Variants in OLFM2 observed in about 807,000 individuals in gnomAD.
The protein encoded by OLFM2 is noelin-2.
A neutral mutation model predicts 43.9 loss-of-function variants in OLFM2; 20 were observed. The ratio of observed to expected loss-of-function variants is 0.46; its 90% CI spans 0.32 to 0.66. The LOEUF (loss-of-function observed/expected upper bound fraction) is 0.66. Ranked by LOEUF, OLFM2 falls within the 30% of genes least tolerant of loss-of-function variation. The pLI, the probability that OLFM2 is intolerant of heterozygous loss-of-function variation, is 0.04. For missense variants in OLFM2, 416 were observed against 643.6 expected (o/e 0.65, Z 3.83); for synonymous variants, 268 against 278.6 (o/e 0.96, Z 0.38).
At chr19:9,865,836 C>G (rs111554490) in intron 1 of OLFM2, among the ~76,000 whole-genome samples, 5 of 114,474 alleles carry the variant, frequency 4.4e-5, no homozygotes, top group Admixed American at 2.5e-4. Flanking sequence ...AAAAAAAAAA[C>G]AAAGAAAAAC....
rs1203521068 is a variant in OLFM2 at position 9,860,711 on chromosome 19, C to A, written c.147G>T (p.Val49=). ...APDGKCICTA[V]IPAQSTCSRD... ...GAGAGCAGGTACTCTGCGCTGGGAT[C>A]ACGGCCGTGCAGATGCATTTCCCGT... The change falls in exon 2 of 6, where the codon GTG becomes GTT. Residue 49 remains valine, a synonymous_variant. Coordinates refer to ENST00000264833, the MANE Select transcript of OLFM2 (RefSeq NM_058164.4). The A allele has an allele frequency of 6.2e-7, 1 of 1,606,382 alleles. No individual in the cohort carries two copies. Among genetic ancestry groups the A allele is most frequent in the Non-Finnish European group, 8.5e-7 (1 of 1,176,504 alleles).
chr19:9,862,419 C>A (rs1333643699), intron 1 of OLFM2, among the ~76,000 whole-genome samples: 1 of 151,888 alleles, frequency 6.6e-6, no homozygotes, highest in Non-Finnish European at 1.5e-5. Context: ...CGCCTGTAAT[C>A]CCAGAATTTC....
At chr19:9,931,421 G>A (rs981163349) in intron 1 of OLFM2, among the ~76,000 whole-genome samples, 1 of 152,006 alleles carries the variant, frequency 6.6e-6, no homozygotes, top group Non-Finnish European at 1.5e-5. Context: ...TTACTGCAGA[G>A]GCCGGGCACG....
intron 1 of OLFM2, among the ~76,000 whole-genome samples, chr19:9,890,644 C>A (rs2046630677): frequency 6.6e-6 from 1 of 152,148 alleles, no homozygotes; most frequent in Admixed American, 6.5e-5. Flanking sequence ...CAGTGACTTC[C>A]AGGTGAATAC....
intron 1 of OLFM2, among the ~76,000 whole-genome samples, chr19:9,920,545 C>T (rs948883360): frequency 6.6e-6 from 1 of 152,032 alleles, no homozygotes; most frequent in African/African-American, 2.4e-5. Context: ...AGAAAGTGTC[C>T]CCTCTTCCCC....
Position 9,919,176 on chromosome 19 carries a change from C to CTT in OLFM2, c.63+17126_63+17127dup, listed in dbSNP as rs36124685. On this transcript the variant is annotated intron_variant, in intron 1 of 5. Coordinates refer to ENST00000264833, the MANE Select transcript of OLFM2 (RefSeq NM_058164.4). Reference sequence around the variant, plus strand: ...ACGCAGTGAGACCTCATTTCTCTCTCTTTTTTTTGAGATGGAGTCTCGCTC... The same window carrying CTT: ...ACGCAGTGAGACCTCATTTCTCTCTCTTTTTTTTTTGAGATGGAGTCTCGCTC... 1.3e-3 allele frequency among the ~76,000 whole-genome samples: 196 copies of CTT among 149,256 alleles called. 2 individuals are homozygous for CTT. The highest frequency in any genetic ancestry group is 3.9e-3 in the African/African-American group (157 of 40,076).
intron 1 of OLFM2, among the ~76,000 whole-genome samples, chr19:9,914,621 G>A (rs1485628136): frequency 6.6e-6 from 1 of 151,704 alleles, no homozygotes; most frequent in East Asian, 2.0e-4. Flanking sequence ...ACTTTGGGTG[G>A]GGGCGGGGCA....
rs1011651573 is a variant in OLFM2, at chr19:9,857,166, G to A, written c.580+97C>T. 3 of 1,229,580 alleles carry A rather than the reference G, an allele frequency of 2.4e-6. No individual in the cohort carries two copies. In the African/African-American group the frequency reaches 4.4e-5, roughly 18 times the overall value. The allele number at this position is 1,229,580 out of a possible 1,614,324, so 76.2% of individuals were successfully genotyped here. On this transcript the variant is annotated intron_variant, in intron 4 of 5. Coordinates refer to ENST00000264833, the MANE Select transcript of OLFM2 (RefSeq NM_058164.4). The surrounding 1 kb of genome is among the most constrained non-coding windows in gnomAD (Gnocchi z 5.7). Reference sequence around the variant, plus strand: ...AAGGGTTGAGGTTTAAAAGTTAGAGGTCAAAACTGTGTCCAGCTTCTAGGC... The same window carrying A: ...AAGGGTTGAGGTTTAAAAGTTAGAGATCAAAACTGTGTCCAGCTTCTAGGC...
At chr19:9,885,780 C>T (rs1442138880) in intron 1 of OLFM2, among the ~76,000 whole-genome samples, 2 of 152,128 alleles carry the variant, frequency 1.3e-5, no homozygotes, top group African/African-American at 2.4e-5. Context: ...TCCTGCTCCC[C>T]TCACCCCTGC....
chr19:9,909,252 C>T (rs907767733), intron 1 of OLFM2, among the ~76,000 whole-genome samples: 4 of 152,166 alleles, frequency 2.6e-5, no homozygotes, highest in African/African-American at 7.2e-5. Context: ...CTCCAGCCCC[C>T]CAGGCAGAGG....
intron 1 of OLFM2, among the ~76,000 whole-genome samples, chr19:9,909,556 C>A (rs983134544): frequency 3.7e-5 from 5 of 135,000 alleles, no homozygotes; most frequent in African/African-American, 1.1e-4. Flanking sequence ...AGAAGCAGGA[C>A]CCCCAAGGCT....
intron 1 of OLFM2, among the ~76,000 whole-genome samples, chr19:9,914,088 G>C (rs1599497890): frequency 8.5e-6 from 1 of 117,116 alleles, no homozygotes; most frequent in Admixed American, 8.0e-5. Context: ...CGGTATTCCC[G>C]GCCCCCCTCC....
intron 1 of OLFM2, among the ~76,000 whole-genome samples, chr19:9,885,792 C>T (rs907930116): frequency 6.6e-6 from 1 of 152,064 alleles, no homozygotes; most frequent in African/African-American, 2.4e-5. Context: ...CACCCCTGCC[C>T]TGACTTTCAA....
chr19:9,882,910 A>T (rs35193916), intron 1 of OLFM2, among the ~76,000 whole-genome samples: 4,118 of 148,076 alleles, frequency 0.028, 87 homozygotes, highest in Middle Eastern at 0.1. Context: ...AAAAAAATAA[A>T]AAAAAAAGCC....
In OLFM2 at chr19:9,857,067, G is replaced by C; in HGVS notation, c.581-154C>G. On this transcript the variant is annotated intron_variant, in intron 4 of 5. Transcript: ENST00000264833. This position sits in a 1 kb window ranked among gnomAD's most constrained non-coding sequence, Gnocchi z 5.7. ...GTCCCAATATGTTGTTCAGTTGTGA[G>C]TGAGGGGTTAGAGGCCAAGGGTCAG... 4.9e-6 allele frequency: 4 copies of C among 821,222 alleles called. No individual in the cohort carries two copies. Among genetic ancestry groups the C allele is most frequent in the Non-Finnish European group, 8.0e-6 (4 of 501,674 alleles). 50.9% of individuals were successfully genotyped at this position (821,222 alleles called of 1,614,324 possible). A position where few individuals can be genotyped will look rare whatever the true frequency, so the allele number is the denominator to read the frequency against.
At chr19:9,861,203 G>GTTTT (rs113853813) in intron 1 of OLFM2, among the ~76,000 whole-genome samples, 5 of 129,764 alleles carry the variant, frequency 3.9e-5, no homozygotes, top group East Asian at 2.3e-4. Context: ...GCCACTTAAT[G>GTTTT]TTTTTTTTTT....
rs140532178 is a variant in OLFM2, at chr19:9,893,444, C to T, written c.64-32650G>A. Among the ~76,000 whole-genome samples the T allele has an allele frequency of 3.1e-3, 479 of 152,292 alleles. 2 individuals carry two copies. Among genetic ancestry groups the T allele is most frequent in the Middle Eastern group, 0.01 (3 of 294 alleles). On this transcript the variant is annotated intron_variant, in intron 1 of 5. Transcript: ENST00000264833. ...CCTCCCAAAGTGCTGGGATTACAGG[C>T]GTGAGCCACCGCACCCGGCCAATCA...
chr19:9,934,476 C>T (rs1352174149), intron 1 of OLFM2, among the ~76,000 whole-genome samples: 1 of 152,190 alleles, frequency 6.6e-6, no homozygotes, highest in Admixed American at 6.5e-5. Flanking sequence ...CCTAGCCAAT[C>T]TTGGTGAGAA....
At chr19:9,888,892 C>A (rs1002998864) in intron 1 of OLFM2, among the ~76,000 whole-genome samples, 1 of 152,110 alleles carries the variant, frequency 6.6e-6, no homozygotes, top group African/African-American at 2.4e-5. Context: ...CGGTGAAACC[C>A]CGTCTCTACT....
Sources: allele counts gnomAD v4.1 joint callset (sites outside exome capture counted in the v4.1 genomes callset), GRCh38; gene constraint gnomAD v4.1.1; non-coding constraint Gnocchi (gnomAD v3.1); transcripts MANE v1.5; gene names NCBI Gene and HGNC (gene_info 2026-07-23, HGNC 2026-07-21).